Variants in CPLANE1 observed in about 807,000 individuals in gnomAD.
The protein encoded by CPLANE1 is ciliogenesis and planar polarity effector 1.
In CPLANE1, 263 loss-of-function variants were observed where a neutral mutation model predicts 362.5. The ratio of observed to expected loss-of-function variants is 0.73; its 90% CI spans 0.66 to 0.80. The LOEUF is 0.80. CPLANE1 is among the 30% of genes least tolerant of loss of function. The pLI is 0.00. For synonymous variants in CPLANE1, 1,212 were observed against 1,302.6 expected (o/e 0.93, Z 1.50); for missense variants, 3,461 against 3,793.4 (o/e 0.91, Z 2.30).
intron 22 of CPLANE1, 57 bp from the exon 23 acceptor site, chr5:37,187,629 T>C (rs1784423932): frequency 1.9e-6 from 3 of 1,569,370 alleles, no homozygotes; most frequent in Non-Finnish European, 2.6e-6. Context: ...TAGACCAGAA[T>C]GAGTTCAAAA....
At chr5:37,157,502 A>G in intron 40 of CPLANE1, 82 bp from the exon 41 acceptor site, 2 of 1,177,740 alleles carry the variant, frequency 1.7e-6, no homozygotes, top group Non-Finnish European at 2.5e-6. Flanking sequence ...CTGATTCTAA[A>G]CTTCTAAATA....
intron 50 of CPLANE1, 119 bp downstream of exon 50, chr5:37,120,097 G>T: frequency 2.9e-6 from 3 of 1,033,322 alleles, no homozygotes; most frequent in Non-Finnish European, 4.2e-6. Flanking sequence ...CTCGCCTTCT[G>T]TTCAAATCAG....
At chr5:37,140,202 GAATT>G (rs1769245114) in intron 44 of CPLANE1, 1 of 876,314 alleles carries the variant, frequency 1.1e-6, no homozygotes, top group Non-Finnish European at 1.4e-6. Flanking sequence ...AAACAGGATT[GAATT>G]AATATAGGGA....
chr5:37,205,240 CAT>C (rs1790379571), intron 18 of CPLANE1, 73 bp downstream of exon 18: 7 of 929,520 alleles, frequency 7.5e-6, no homozygotes, highest in Non-Finnish European at 1.0e-5. Context: ...CATTTGTAGA[CAT>C]GTATAAACTT....
chr5:37,112,811 A>C (rs1759735335), intron 51 of CPLANE1, among the ~76,000 whole-genome samples: 1 of 152,208 alleles, frequency 6.6e-6, no homozygotes, highest in Non-Finnish European at 1.5e-5. Context: ...TCTAACTTTC[A>C]GAGGCAGGGT....
chr5:37,106,831 T>C lies in CPLANE1; in HGVS notation c.*771A>G. On this transcript the variant is annotated 3_prime_UTR_variant, in exon 53 of 53. Coordinates refer to ENST00000651892, the MANE Select transcript of CPLANE1 (RefSeq NM_001384732.1). ...AAACATTGATGAAGTAGTTGAAGGATACTGGTTCTTAGTCAATTCTCATAA... is the reference window on the plus strand; with the variant it reads ...AAACATTGATGAAGTAGTTGAAGGACACTGGTTCTTAGTCAATTCTCATAA... 5.1e-6 allele frequency: 5 copies of C among 980,768 alleles called. No individual in the cohort carries two copies. The highest frequency in any genetic ancestry group is 6.1e-6 in the Non-Finnish European group (5 of 825,652). 60.8% of individuals were successfully genotyped at this position (980,768 alleles called of 1,614,324 possible).
At chr5:37,078,326 T>A in the CPLANE1 span, among the ~76,000 whole-genome samples, 1 of 152,224 alleles carries the variant, frequency 6.6e-6, no homozygotes, top group Non-Finnish European at 1.5e-5. Flanking sequence ...CTTAGTTTGC[T>A]AAGGATAACG....
chr5:37,080,161 A>G, the CPLANE1 span, among the ~76,000 whole-genome samples: 1 of 152,242 alleles, frequency 6.6e-6, no homozygotes, highest in African/African-American at 2.4e-5. Context: ...AAAATTGGAC[A>G]AAATATATGT....
At chr5:37,127,931 T>G (rs1301996986) in intron 46 of CPLANE1, among the ~76,000 whole-genome samples, 1 of 152,074 alleles carries the variant, frequency 6.6e-6, no homozygotes, top group Non-Finnish European at 1.5e-5. Flanking sequence ...TCACAGCTAC[T>G]TGGAGGCTAA....
intron 19 of CPLANE1, among the ~76,000 whole-genome samples, chr5:37,199,815 G>A (rs1788635941): frequency 6.6e-6 from 1 of 152,178 alleles, no homozygotes; most frequent in South Asian, 2.1e-4. Flanking sequence ...CCTCAAGGAA[G>A]GATCTATTCA....
At chr5:37,197,110 G>GTT (rs34105861) in intron 20 of CPLANE1, among the ~76,000 whole-genome samples, 13 of 149,096 alleles carry the variant, frequency 8.7e-5, no homozygotes, top group East Asian at 2.0e-4. Context: ...AAATTACCTA[G>GTT]TTTTTTTTTT....
intron 32 of CPLANE1, 116 bp downstream of exon 32, chr5:37,173,639 A>G (rs1000627031): frequency 3.4e-6 from 3 of 878,980 alleles, no homozygotes; most frequent in Non-Finnish European, 3.4e-6. Context: ...TACCCAAAGC[A>G]GAGAAATGCT....
At chr5:37,240,763 G>A (rs932221237) in intron 6 of CPLANE1, among the ~76,000 whole-genome samples, 3 of 152,174 alleles carry the variant, frequency 2.0e-5, no homozygotes, top group African/African-American at 7.2e-5. Flanking sequence ...GCACAAAAGA[G>A]AACCTGCAGA....
chr5:37,181,684 A>G (rs1782691941), intron 26 of CPLANE1, among the ~76,000 whole-genome samples: 1 of 152,120 alleles, frequency 6.6e-6, no homozygotes, highest in South Asian at 2.1e-4. Flanking sequence ...GCATAGTGGC[A>G]TGAGCCTGTG....
chr5:37,201,520 C>A, intron 19 of CPLANE1, 71 bp downstream of exon 19: 1 of 1,270,508 alleles, frequency 7.9e-7, no homozygotes, highest in Non-Finnish European at 1.1e-6. Flanking sequence ...TGATTATTAT[C>A]AAGTTAATTA....
chr5:37,188,122 T>C (rs902976728), intron 21 of CPLANE1, among the ~76,000 whole-genome samples: 1 of 152,172 alleles, frequency 6.6e-6, no homozygotes, highest in African/African-American at 2.4e-5. Flanking sequence ...GCAATACAAG[T>C]ACACAAAGAT....
At chr5:37,205,507 A>G (rs755495318) in intron 17 of CPLANE1, 53 bp from the exon 18 acceptor site, 335 of 1,276,916 alleles carry the variant, frequency 2.6e-4, no homozygotes, top group Admixed American at 5.4e-4. Flanking sequence ...AAAAAAAGGA[A>G]AGGTTTCACA....
chr5:37,104,938 G>A (rs1757482409), downstream of CPLANE1, among the ~76,000 whole-genome samples: 1 of 152,054 alleles, frequency 6.6e-6, no homozygotes, highest in African/African-American at 2.4e-5. Context: ...TGTGTTATTA[G>A]TACACAGTTA....
chr5:37,124,435 C>A (rs554022438), intron 47 of CPLANE1, among the ~76,000 whole-genome samples: 68 of 152,034 alleles, frequency 4.5e-4, no homozygotes, highest in African/African-American at 1.6e-3. Context: ...GTTAAAAAAA[C>A]AAAAACCACA....
Sources: allele counts gnomAD v4.1 joint callset (sites outside exome capture counted in the v4.1 genomes callset), GRCh38; gene constraint gnomAD v4.1.1; transcripts MANE v1.5; gene names NCBI Gene and HGNC (gene_info 2026-07-23, HGNC 2026-07-21).